Variants in SPOPL observed in about 807,000 individuals in gnomAD.
SPOPL encodes speckle type BTB/POZ protein like, also known as speckle-type POZ protein-like.
Under a neutral mutation model 53.8 loss-of-function variants are expected in SPOPL, and 23 were observed. That is an observed-to-expected ratio of 0.43 (90% CI 0.31 to 0.61). The LOEUF (loss-of-function observed/expected upper bound fraction) is 0.61, where lower values mean the gene tolerates loss of function less well. SPOPL is among the 20% of genes least tolerant of loss of function. The pLI is 0.12. For missense variants in SPOPL, 442 were observed against 466.9 expected (o/e 0.95, Z 0.49); for synonymous variants, 164 against 149.7 (o/e 1.10, Z -0.70).
chr2:138,513,037 A>G (rs1258882410), intron 1 of SPOPL, among the ~76,000 whole-genome samples: 1 of 152,228 alleles, frequency 6.6e-6, no homozygotes. Context: ...TGGGGAATCA[A>G]AGGGAGGTGA....
intron 1 of SPOPL, among the ~76,000 whole-genome samples, chr2:138,514,564 A>G (rs904286745): frequency 6.6e-6 from 1 of 152,142 alleles, no homozygotes; most frequent in Non-Finnish European, 1.5e-5. Context: ...ATTCCACTGT[A>G]TGACTCTGTA....
chr2:138,542,388 G>C (rs373209038), intron 1 of SPOPL, among the ~76,000 whole-genome samples: 6 of 152,046 alleles, frequency 3.9e-5, no homozygotes, highest in South Asian at 4.2e-4. Flanking sequence ...TTGTAGGTCT[G>C]TAAGGACTTG....
rs1684414007 is a variant in SPOPL at position 138,515,254 on chromosome 2, TTGAC to T, written c.-61+13139_-61+13142del. On this transcript the variant is annotated intron_variant, in intron 1 of 10. Coordinates refer to ENST00000280098, the MANE Select transcript of SPOPL (RefSeq NM_001001664.3). ...TGAAAAGTTTTGTAGGCTTTTTTAT[TTGAC>T]TGAGTGAGTTTGCAACATTGGCCCA... Among the ~76,000 whole-genome samples, 3 of 152,352 alleles carry T rather than the reference TTGAC, an allele frequency of 2.0e-5. No individual in the cohort carries two copies. The South Asian group carries it at 6.2e-4, about 32-fold the overall frequency.
Position 138,569,030 on chromosome 2 carries a change from GCA to G in SPOPL, c.1132_1133del (p.Gln378ValfsTer22). On this transcript the variant is annotated frameshift_variant, in exon 11 of 11. Coordinates refer to ENST00000280098, the MANE Select transcript of SPOPL (RefSeq NM_001001664.3). LOFTEE classifies it high-confidence loss of function. ...VAEAFRALAS[A>X]QCPQFGIPRK... The stretch of plus-strand genomic sequence containing the variant: ...AGAAGCCTTTCGAGCACTAGCATCT[GCA>G]CAGTGTCCACAGTTTGGCATTCCAC... 6.2e-7 allele frequency: 1 copy of G among 1,613,966 alleles called. No homozygotes were observed. Among genetic ancestry groups the G allele is most frequent in the Non-Finnish European group, 8.5e-7 (1 of 1,179,932 alleles).
At chr2:138,540,990 A>G (rs886728945) in intron 1 of SPOPL, among the ~76,000 whole-genome samples, 21 of 152,140 alleles carry the variant, frequency 1.4e-4, no homozygotes, top group Non-Finnish European at 2.8e-4. Context: ...TTCTGCATCT[A>G]TTGAGATAAT....
At chr2:138,554,066 CTTTTTTTTTTT>C (rs70978299) in intron 5 of SPOPL, among the ~76,000 whole-genome samples, 1 of 126,658 alleles carries the variant, frequency 7.9e-6, no homozygotes, top group African/African-American at 3.0e-5. Flanking sequence ...TAGAAAATAC[CTTTTTTTTTTT>C]TTTTTTTTTT....
At chr2:138,534,033 TTA>T (rs750790113) in intron 1 of SPOPL, among the ~76,000 whole-genome samples, 8 of 152,242 alleles carry the variant, frequency 5.3e-5, no homozygotes, top group Non-Finnish European at 8.8e-5. Context: ...GCTGGATAAT[TTA>T]TATATTTTAT....
At chr2:138,557,344 AG>A (rs1432939492) in intron 5 of SPOPL, among the ~76,000 whole-genome samples, 1 of 152,184 alleles carries the variant, frequency 6.6e-6, no homozygotes, top group Non-Finnish European at 1.5e-5. Flanking sequence ...ACGTAAATTG[AG>A]GGCAAAAGCG....
At position 138,514,852 on chromosome 2, in the gene SPOPL, C is replaced by G. The variant is rs1372383684; in HGVS notation, c.-61+12733C>G. ...TGAGAATTTCTAGTTGTCCCACATA[C>G]TCTGGAACATTGGCTTGATATTCTG... On this transcript the variant is annotated intron_variant, in intron 1 of 10. Transcript: ENST00000280098. Among the ~76,000 whole-genome samples the G allele has an allele frequency of 2.0e-5, 3 of 152,268 alleles. No homozygotes were observed. In the East Asian group the frequency reaches 5.8e-4, roughly 29 times the overall value.
At chr2:138,502,613 C>G (rs1271964900) in intron 1 of SPOPL, among the ~76,000 whole-genome samples, 1 of 152,204 alleles carries the variant, frequency 6.6e-6, no homozygotes, top group Non-Finnish European at 1.5e-5. Context: ...GCAGAGTTCT[C>G]AGCTTCGCAG....
chr2:138,530,918 A>AGTGTGTGT (rs757783403), intron 1 of SPOPL, among the ~76,000 whole-genome samples: 1 of 88,168 alleles, frequency 1.1e-5, no homozygotes, highest in Non-Finnish European at 2.3e-5. Flanking sequence ...CTTACTGTAG[A>AGTGTGTGT]GTGAGTGTGT....
chr2:138,555,050 A>G (rs1685391524), intron 5 of SPOPL, among the ~76,000 whole-genome samples: 1 of 151,986 alleles, frequency 6.6e-6, no homozygotes, highest in Admixed American at 6.6e-5. Context: ...TTCTCACATC[A>G]TAACATGGTG....
At position 138,569,152 on chromosome 2, in the gene SPOPL, A is replaced by T; in HGVS notation, c.*72A>T. 1 of 1,491,032 alleles carries T rather than the reference A, an allele frequency of 6.7e-7. No homozygotes were observed. Among genetic ancestry groups the T allele is most frequent in the Non-Finnish European group, 9.1e-7 (1 of 1,094,528 alleles). 92.4% of individuals were successfully genotyped at this position (1,491,032 alleles called of 1,614,324 possible). A position where few individuals can be genotyped will look rare whatever the true frequency, so the allele number is the denominator to read the frequency against. ...AGGTCCAGAAGGATTCTAATACACAAACCATAAGCAAGAGTTGTTTCTGTT... is the reference window on the plus strand; with the variant it reads ...AGGTCCAGAAGGATTCTAATACACATACCATAAGCAAGAGTTGTTTCTGTT... On this transcript the variant is annotated 3_prime_UTR_variant, in exon 11 of 11. Coordinates refer to ENST00000280098, the MANE Select transcript of SPOPL (RefSeq NM_001001664.3).
intron 5 of SPOPL, chr2:138,554,434 T>C (rs1251509817): frequency 1.6e-6 from 2 of 1,228,080 alleles, no homozygotes; most frequent in Non-Finnish European, 2.1e-6. Flanking sequence ...CCCTTCCTTC[T>C]ACAGAATCTC....
At chr2:138,552,805 T>C in intron 5 of SPOPL, 124 bp downstream of exon 5, 1 of 1,172,060 alleles carries the variant, frequency 8.5e-7, no homozygotes. Flanking sequence ...CATTTGTAAA[T>C]TCTTGACTAG....
At chr2:138,553,832 CA>C (rs1439202351) in intron 5 of SPOPL, among the ~76,000 whole-genome samples, 1 of 152,064 alleles carries the variant, frequency 6.6e-6, no homozygotes, top group Non-Finnish European at 1.5e-5. Context: ...TGCTGATCAG[CA>C]GATATTCTAA....
chr2:138,539,003 G>A (rs553190208), intron 1 of SPOPL, among the ~76,000 whole-genome samples: 2 of 152,188 alleles, frequency 1.3e-5, no homozygotes, highest in Admixed American at 6.5e-5. Context: ...TGCGGTGTTT[G>A]GTTTTTTGTC....
At chr2:138,518,012 C>T (rs1389596513) in intron 1 of SPOPL, among the ~76,000 whole-genome samples, 1 of 138,906 alleles carries the variant, frequency 7.2e-6, no homozygotes, top group African/African-American at 2.8e-5. Context: ...TGTGCCATTG[C>T]ACTCCAGCCT....
At position 138,569,126 on chromosome 2, in the gene SPOPL, C is replaced by T. The variant is rs1249854792; in HGVS notation, c.*46C>T. On this transcript the variant is annotated 3_prime_UTR_variant, in exon 11 of 11. Transcript: ENST00000280098. ...AAAATGGAATTGACTTTCACTCCTC[C>T]AGGTCCAGAAGGATTCTAATACACA... 6.3e-7 allele frequency: 1 copy of T among 1,596,602 alleles called. No homozygotes were observed. The highest frequency in any genetic ancestry group is 2.2e-5 in the East Asian group (1 of 44,708).
Sources: gnomAD v4.1 joint callset for allele counts (sites outside exome capture counted in the v4.1 genomes callset) on GRCh38, gnomAD v4.1.1 for gene constraint, MANE v1.5 for transcripts, NCBI Gene and HGNC (gene_info 2026-07-23, HGNC 2026-07-21) for gene names.